Variants in CAPZA2 observed in about 807,000 individuals in gnomAD.
CAPZA2 encodes the protein capping actin protein of muscle Z-line subunit alpha 2, also known as F-actin-capping protein subunit alpha-2.
Under a neutral mutation model 44.0 loss-of-function variants are expected in CAPZA2, and 13 were observed. The observed-to-expected ratio is 0.30, with a 90% CI of 0.19 to 0.47. CAPZA2 has a LOEUF of 0.47. CAPZA2 is among the 20% of genes least tolerant of loss of function. The probability of loss-of-function intolerance (pLI) is 1.00; values close to 1 mark genes in which losing one functional copy is unlikely to be tolerated. For synonymous variants in CAPZA2, 94 were observed against 108.2 expected, an observed-to-expected ratio of 0.87 and a Z score of 0.81; for missense variants, 244 against 338.6, an observed-to-expected ratio of 0.72 and a Z score of 2.19.
chr7:116,874,870 C>T (rs1796601954), intron 1 of CAPZA2: 1 of 152,458 alleles, frequency 6.6e-6, no homozygotes, highest in South Asian at 2.1e-4. Context: ...GGGTGGATCA[C>T]TTGAGGTCAG....
chr7:116,897,407 C>T (rs570853648), intron 3 of CAPZA2, among the ~76,000 whole-genome samples: 5 of 152,096 alleles, frequency 3.3e-5, no homozygotes, highest in South Asian at 2.1e-4. Context: ...CATGTAGTAT[C>T]AAGAATTTGA....
At chr7:116,908,810 A>G (rs972590541) in intron 6 of CAPZA2, among the ~76,000 whole-genome samples, 1 of 152,140 alleles carries the variant, frequency 6.6e-6, no homozygotes, top group Non-Finnish European at 1.5e-5. Context: ...TTTCCAACCA[A>G]CCTTCTTTGA....
At chr7:116,902,887 T>A (rs532896201) in intron 4 of CAPZA2, among the ~76,000 whole-genome samples, 137 of 152,156 alleles carry the variant, frequency 9.0e-4, no homozygotes, top group Non-Finnish European at 1.6e-3. Context: ...TTTTAAAAAA[T>A]TTTTTTGTAG....
chr7:116,897,480 G>A (rs1372830985), intron 3 of CAPZA2, among the ~76,000 whole-genome samples: 2 of 151,992 alleles, frequency 1.3e-5, no homozygotes, highest in Admixed American at 1.3e-4. Context: ...TAACTCATCA[G>A]TAATGCTTTG....
intron 1 of CAPZA2, among the ~76,000 whole-genome samples, chr7:116,866,552 A>G (rs1796486632): frequency 6.6e-6 from 1 of 152,246 alleles, no homozygotes; most frequent in Non-Finnish European, 1.5e-5. Context: ...TGTATTGTAC[A>G]GTAAAGCATT....
At chr7:116,896,885 A>G (rs745912083) in intron 3 of CAPZA2, among the ~76,000 whole-genome samples, 3 of 152,144 alleles carry the variant, frequency 2.0e-5, no homozygotes, top group Non-Finnish European at 4.4e-5. Flanking sequence ...TTTTGTATCT[A>G]TAAAGTAAGT....
At position 116,906,193 on chromosome 7, in the gene CAPZA2, T is replaced by C. The variant is rs551354481; in HGVS notation, c.427-70T>C. 8.3e-6 allele frequency: 13 copies of C among 1,568,114 alleles called. 1 individual carries two copies. Among genetic ancestry groups the C allele is most frequent in the Middle Eastern group, 1.7e-4 (1 of 5,800 alleles). ...AAGTACTGTACAATTTGCAGTATTTTATAGATTTTTAAAGTTGGACATTCC... is the reference window on the plus strand; with the variant it reads ...AAGTACTGTACAATTTGCAGTATTTCATAGATTTTTAAAGTTGGACATTCC... On this transcript the variant is annotated intron_variant, in intron 5 of 9. Transcript: ENST00000361183.
intron 9 of CAPZA2, 37 bp downstream of exon 9, chr7:116,916,159 A>T: frequency 1.4e-6 from 2 of 1,476,054 alleles, no homozygotes; most frequent in African/African-American, 1.5e-5. Context: ...CTACACTCAC[A>T]TATGAATTAA....
intron 6 of CAPZA2, chr7:116,909,823 C>G (rs1335183367): frequency 5.4e-6 from 1 of 183,710 alleles, no homozygotes; most frequent in Admixed American, 5.4e-5. Context: ...AAATTTATCT[C>G]CACAGTAGCT....
At chr7:116,908,308 T>A (rs909694740) in intron 6 of CAPZA2, among the ~76,000 whole-genome samples, 5 of 152,020 alleles carry the variant, frequency 3.3e-5, no homozygotes, top group Non-Finnish European at 7.4e-5. Context: ...AAAATATAGG[T>A]AGAGTAAAAA....
intron 5 of CAPZA2, among the ~76,000 whole-genome samples, chr7:116,905,841 A>G (rs1791491504): frequency 6.6e-6 from 1 of 152,222 alleles, no homozygotes; most frequent in African/African-American, 2.4e-5. Context: ...TTATTCCAGT[A>G]CTTTTAAGTG....
intron 8 of CAPZA2, among the ~76,000 whole-genome samples, chr7:116,913,309 A>G (rs943719019): frequency 6.6e-6 from 1 of 152,120 alleles, no homozygotes; most frequent in Non-Finnish European, 1.5e-5. Flanking sequence ...TGAGATTTGA[A>G]ATATTAATAG....
intron 3 of CAPZA2, among the ~76,000 whole-genome samples, chr7:116,895,438 T>G (rs563145349): frequency 3.0e-4 from 46 of 152,306 alleles, no homozygotes; most frequent in Middle Eastern, 3.4e-3. Flanking sequence ...TTCATTTCTC[T>G]TTTATTATAA....
At chr7:116,876,620 A>G (rs1430245266) in intron 1 of CAPZA2, among the ~76,000 whole-genome samples, 1 of 152,196 alleles carries the variant, frequency 6.6e-6, no homozygotes, top group Admixed American at 6.5e-5. Context: ...GTGTGCCTTG[A>G]TATGTCCCCA....
At chr7:116,910,621 TCTCTC>T (rs1323130132) in intron 7 of CAPZA2, among the ~76,000 whole-genome samples, 3 of 152,198 alleles carry the variant, frequency 2.0e-5, no homozygotes, top group African/African-American at 7.2e-5. Context: ...GTTGTGTACT[TCTCTC>T]CTCTGAATTG....
intron 6 of CAPZA2, among the ~76,000 whole-genome samples, chr7:116,907,634 ATGTC>A (rs1791534977): frequency 6.6e-6 from 1 of 152,136 alleles, no homozygotes; most frequent in Non-Finnish European, 1.5e-5. Context: ...AATGAAGAAA[ATGTC>A]TGTCCTTGAG....
intron 1 of CAPZA2, among the ~76,000 whole-genome samples, chr7:116,887,776 T>C (rs1325012708): frequency 6.6e-6 from 1 of 152,238 alleles, no homozygotes; most frequent in Non-Finnish European, 1.5e-5. Flanking sequence ...GAAGTTGCAG[T>C]GAGCTGAGAT....
intron 4 of CAPZA2, among the ~76,000 whole-genome samples, chr7:116,900,888 G>A (rs192924777): frequency 1.1e-3 from 164 of 152,114 alleles, no homozygotes; most frequent in Admixed American, 5.8e-3. Flanking sequence ...CATACTTGAG[G>A]CCAAACAAGC....
intron 8 of CAPZA2, among the ~76,000 whole-genome samples, chr7:116,913,363 T>A (rs1010885503): frequency 3.3e-5 from 5 of 152,192 alleles, no homozygotes; most frequent in Non-Finnish European, 7.4e-5. Flanking sequence ...CTCCAGTGTT[T>A]TCTTCTAAAA....
Sources: allele counts gnomAD v4.1 joint callset (sites outside exome capture counted in the v4.1 genomes callset), GRCh38; gene constraint gnomAD v4.1.1; transcripts MANE v1.5; gene names NCBI Gene and HGNC (gene_info 2026-07-23, HGNC 2026-07-21).